Variants in KCTD1 observed in about 807,000 individuals in gnomAD.
KCTD1 encodes potassium channel tetramerization domain containing 1, also known as BTB/POZ domain-containing protein KCTD1.
In KCTD1, 24 loss-of-function variants were observed where a neutral mutation model predicts 66.0. The observed-to-expected ratio is 0.36, with a 90% CI of 0.26 to 0.51. The LOEUF is 0.51. Ranked by LOEUF, KCTD1 falls within the 20% of genes least tolerant of loss-of-function variation. The pLI, the probability that KCTD1 is intolerant of heterozygous loss-of-function variation, is 0.95. For missense variants in KCTD1, 943 were observed against 1,205.2 expected, an observed-to-expected ratio of 0.78 and a Z score of 3.22; for synonymous variants, 511 against 517.2, an observed-to-expected ratio of 0.99 and a Z score of 0.16.
chr18:26,459,190 A>C (rs17189067), intron 4 of KCTD1: 22,152 of 157,730 alleles, frequency 0.14, 2,132 homozygotes, highest in East Asian at 0.36. Flanking sequence ...CCTCCTGGGC[A>C]ATATATTTAT....
At chr18:26,533,243 T>G (rs1459939709) in intron 1 of KCTD1, among the ~76,000 whole-genome samples, 1 of 152,232 alleles carries the variant, frequency 6.6e-6, no homozygotes, top group Non-Finnish European at 1.5e-5. Context: ...GATTCACACT[T>G]TATGATGCAG....
intron 2 of KCTD1, among the ~76,000 whole-genome samples, chr18:26,478,324 G>A (rs1255663465): frequency 2.0e-5 from 3 of 152,160 alleles, no homozygotes; most frequent in African/African-American, 7.2e-5. Context: ...AACTAGTTAA[G>A]CAGCATTGGG....
chr18:26,619,340 G>A (rs1297354940), intron 1 of KCTD1, among the ~76,000 whole-genome samples: 3 of 152,122 alleles, frequency 2.0e-5, no homozygotes, highest in Admixed American at 2.0e-4. Context: ...TAAAAAGAAT[G>A]TATGTTCACT....
chr18:26,534,032 C>G (rs1179774574), intron 1 of KCTD1, among the ~76,000 whole-genome samples: 2 of 151,980 alleles, frequency 1.3e-5, no homozygotes, highest in Non-Finnish European at 2.9e-5. Flanking sequence ...AGTGACTGAT[C>G]TCCATAAGTA....
intron 1 of KCTD1, among the ~76,000 whole-genome samples, chr18:26,584,379 G>A (rs1986425157): frequency 6.6e-6 from 1 of 152,170 alleles, no homozygotes; most frequent in South Asian, 2.1e-4. Context: ...ATTTTGTGAT[G>A]TATTGGGTTA....
intron 1 of KCTD1, among the ~76,000 whole-genome samples, chr18:26,570,438 T>A (rs1203396583): frequency 6.6e-6 from 1 of 152,112 alleles, no homozygotes; most frequent in African/African-American, 2.4e-5. Context: ...AGACAAGGTC[T>A]TGCTCTGTTG....
chr18:26,459,144 A>G (rs16942345), intron 4 of KCTD1: 4,437 of 154,688 alleles, frequency 0.029, 214 homozygotes, highest in African/African-American at 0.1. Context: ...AGTCCTCAAT[A>G]TGCCAGCATA....
chr18:26,609,404 A>G (rs1987086448), intron 1 of KCTD1, among the ~76,000 whole-genome samples: 1 of 152,168 alleles, frequency 6.6e-6, no homozygotes, highest in African/African-American at 2.4e-5. Flanking sequence ...ATGAAGCAAA[A>G]GATTTCTTGC....
At chr18:26,632,510 A>T (rs474486), upstream of KCTD1, among the ~76,000 whole-genome samples, 79,949 of 152,064 alleles carry the variant, frequency 0.53, 21,349 homozygotes, top group East Asian at 0.66. Context: ...GCAGTAAATA[A>T]CTGAAATAAA....
intron 1 of KCTD1, among the ~76,000 whole-genome samples, chr18:26,621,112 C>G (rs1173856761): frequency 6.6e-6 from 1 of 152,162 alleles, no homozygotes; most frequent in Non-Finnish European, 1.5e-5. Flanking sequence ...GGATTACAGG[C>G]GTGAGCCACC....
At chr18:26,598,632 A>G (rs529998526) in intron 1 of KCTD1, among the ~76,000 whole-genome samples, 5 of 152,226 alleles carry the variant, frequency 3.3e-5, no homozygotes, top group Admixed American at 2.6e-4. Context: ...GAGAATTCCT[A>G]TTTCTCCACA....
chr18:26,498,644 T>C (rs1982601388), intron 2 of KCTD1, among the ~76,000 whole-genome samples: 1 of 151,996 alleles, frequency 6.6e-6, no homozygotes. Context: ...TAGATGATAT[T>C]TCAATTTGGA....
chr18:26,522,803 T>G (rs1983976520), intron 1 of KCTD1, among the ~76,000 whole-genome samples: 1 of 152,122 alleles, frequency 6.6e-6, no homozygotes, highest in South Asian at 2.1e-4. Context: ...TTTACCCTCT[T>G]CAATGACCAT....
chr18:26,464,835 A>T (rs996952587), intron 3 of KCTD1, among the ~76,000 whole-genome samples: 8 of 152,188 alleles, frequency 5.3e-5, no homozygotes, highest in African/African-American at 1.9e-4. Flanking sequence ...CCTATGTATC[A>T]GGGGTACCAC....
At chr18:26,629,528 C>G (rs1486321346), upstream of KCTD1, among the ~76,000 whole-genome samples, 3 of 152,152 alleles carry the variant, frequency 2.0e-5, no homozygotes, top group South Asian at 4.1e-4. Context: ...ATAGAAATGT[C>G]AAGGTTTCCC....
chr18:26,503,501 A>AAC (rs150385721), intron 1 of KCTD1, among the ~76,000 whole-genome samples: 1 of 151,770 alleles, frequency 6.6e-6, no homozygotes, highest in Non-Finnish European at 1.5e-5. Context: ...CGGACACACA[A>AAC]ACACACACAC....
chr18:26,518,789 C>T (rs773723257), intron 1 of KCTD1, among the ~76,000 whole-genome samples: 2 of 152,130 alleles, frequency 1.3e-5, no homozygotes, highest in African/African-American at 2.4e-5. Context: ...GTGATCCTCC[C>T]ACTTCAGCCT....
chr18:26,622,137 A>G (rs1320112840), intron 1 of KCTD1, among the ~76,000 whole-genome samples: 2 of 152,192 alleles, frequency 1.3e-5, no homozygotes, highest in Non-Finnish European at 2.9e-5. Flanking sequence ...CAATACAACT[A>G]TGGCTTGCAA....
At chr18:26,467,684 G>T (rs759263088) in intron 3 of KCTD1, among the ~76,000 whole-genome samples, 1 of 151,812 alleles carries the variant, frequency 6.6e-6, no homozygotes, top group Non-Finnish European at 1.5e-5. Context: ...GCATGGTGGG[G>T]GGTGCCTGTA....
Sources: gnomAD v4.1 joint callset for allele counts (sites outside exome capture counted in the v4.1 genomes callset) on GRCh38, gnomAD v4.1.1 for gene constraint, MANE v1.5 for transcripts, NCBI Gene and HGNC (gene_info 2026-07-23, HGNC 2026-07-21) for gene names.